IL1RAPL1: variants seen among roughly 807,000 people sequenced by gnomAD.
The protein encoded by IL1RAPL1 is interleukin-1 receptor accessory protein-like 1.
Under a neutral mutation model 48.4 loss-of-function variants are expected in IL1RAPL1, and 3 were observed. That is an observed-to-expected ratio of 0.06 (90% confidence interval 0.03 to 0.16). The LOEUF (loss-of-function observed/expected upper bound fraction) is 0.16, where lower values mean the gene tolerates loss of function less well. Ranked by LOEUF, IL1RAPL1 falls within the 10% of genes least tolerant of loss-of-function variation. IL1RAPL1 has a pLI of 1.00. For missense variants in IL1RAPL1, 349 were observed against 530.6 expected, an observed-to-expected ratio of 0.66 and a Z score of 3.36; for synonymous variants, 185 against 187.7, an observed-to-expected ratio of 0.99 and a Z score of 0.12.
chrX:29,182,016 T>C (rs759775166), intron 2 of IL1RAPL1, among the ~76,000 whole-genome samples: 1 of 111,526 alleles, frequency 9.0e-6, no homozygotes, highest in Non-Finnish European at 1.9e-5. Context: ...AGATGACTGA[T>C]GGCTCTGGCC....
intron 1 of IL1RAPL1, among the ~76,000 whole-genome samples, chrX:28,634,243 C>G (rs1226445902): frequency 9.1e-6 from 1 of 109,709 alleles, no homozygotes; most frequent in African/African-American, 3.3e-5. Context: ...CTCAAGCCAT[C>G]TGCCTGCCTA....
At chrX:29,239,625 ACACG>A (rs1931369107) in intron 2 of IL1RAPL1, among the ~76,000 whole-genome samples, 2 of 112,135 alleles carry the variant, frequency 1.8e-5, no homozygotes, top group Admixed American at 1.9e-4. Context: ...AGTTTGTCCA[ACACG>A]TGGCCTGCGG....
intron 1 of IL1RAPL1, among the ~76,000 whole-genome samples, chrX:28,784,284 G>C (rs1056914342): frequency 8.9e-6 from 1 of 111,944 alleles, no homozygotes; most frequent in African/African-American, 3.2e-5. Context: ...TTCAATTTTT[G>C]ATTAGAGTGA....
chrX:29,264,833 A>G (rs1370086138), intron 2 of IL1RAPL1, among the ~76,000 whole-genome samples: 2 of 111,359 alleles, frequency 1.8e-5, no homozygotes, highest in Non-Finnish European at 3.8e-5. Context: ...CTAGAGTACA[A>G]TCAATATCAT....
intron 5 of IL1RAPL1, among the ~76,000 whole-genome samples, chrX:29,577,095 C>G (rs771883929): frequency 9.0e-6 from 1 of 111,587 alleles, no homozygotes; most frequent in Non-Finnish European, 1.9e-5. Flanking sequence ...ATCTTAGGCT[C>G]TTAAATTTAA....
chrX:29,460,143 G>A lies in IL1RAPL1; in HGVS notation c.703+60835G>A, dbSNP rs758828130. Among the ~76,000 whole-genome samples the A allele has an allele frequency of 1.6e-4, 18 of 111,855 alleles. No individual in the cohort carries two copies. The South Asian group carries it at 6.4e-3, about 40-fold the overall frequency. On this transcript the variant is annotated intron_variant, in intron 5 of 10. Coordinates refer to ENST00000378993, the MANE Select transcript of IL1RAPL1 (RefSeq NM_014271.4). ...TAGAAAACTATTCAGTAAAACAGCC[G>A]TCTTCTATGTATTATGTATTTTTCC...
At chrX:28,780,363 G>GTGTGTGTCTGTC (rs56989010) in intron 1 of IL1RAPL1, among the ~76,000 whole-genome samples, 1,518 of 91,387 alleles carry the variant, frequency 0.017, 40 homozygotes, top group East Asian at 0.16. Context: ...GTGTGTGTGT[G>GTGTGTGTCTGTC]TGTCTGTCTG....
intron 2 of IL1RAPL1, among the ~76,000 whole-genome samples, chrX:29,280,206 A>G (rs1430946555): frequency 1.8e-5 from 2 of 112,058 alleles, no homozygotes; most frequent in African/African-American, 3.2e-5. Context: ...ATTATATGCA[A>G]TTATATAACT....
At chrX:28,677,629 C>G (rs750088600) in intron 1 of IL1RAPL1, among the ~76,000 whole-genome samples, 159 of 110,246 alleles carry the variant, frequency 1.4e-3, no homozygotes, top group African/African-American at 4.7e-3. Flanking sequence ...ACTGTGTCAC[C>G]CAGGCTGGAG....
intron 6 of IL1RAPL1, among the ~76,000 whole-genome samples, chrX:29,884,688 C>G (rs567717489): frequency 5.4e-5 from 6 of 111,553 alleles, no homozygotes; most frequent in African/African-American, 9.8e-5. Flanking sequence ...AATAGACACT[C>G]CAAACTCCAT....
intron 1 of IL1RAPL1, among the ~76,000 whole-genome samples, chrX:28,691,378 A>C (rs1009656812): frequency 2.7e-5 from 3 of 111,753 alleles, no homozygotes; most frequent in African/African-American, 9.8e-5. Context: ...CTCAGGAAAA[A>C]CTTGCCTGAC....
In IL1RAPL1 at chrX:29,126,147, G is replaced by A. The variant is rs190713888; in HGVS notation, c.83-156791G>A. 4.5e-5 allele frequency among the ~76,000 whole-genome samples: 5 copies of A among 111,343 alleles called. No homozygotes were observed. In the East Asian group the frequency reaches 1.1e-3, roughly 25 times the overall value. On this transcript the variant is annotated intron_variant, in intron 2 of 10. Transcript: ENST00000378993. ...GCTAATTTTACAGTATGGTATCATGGACACAGACTGTCAAAAGCCAACAGA... is the reference window on the plus strand; with the variant it reads ...GCTAATTTTACAGTATGGTATCATGAACACAGACTGTCAAAAGCCAACAGA...
Position 28,851,958 on chromosome X carries a change from A to T in IL1RAPL1, c.82+62533A>T, listed in dbSNP as rs777795938. On this transcript the variant is annotated intron_variant, in intron 2 of 10. Transcript: ENST00000378993. ...GTGAAATTTCTATTATAGTTTAAGA[A>T]AATTATCTTCCTGAATTTGACACAC... is the stretch of plus-strand genomic sequence containing the variant. Among the ~76,000 whole-genome samples, 17 of 112,278 alleles carry T rather than the reference A, an allele frequency of 1.5e-4. No individual in the cohort carries two copies. The South Asian group carries it at 5.9e-3, about 39-fold the overall frequency.
At chrX:29,351,842 C>T (rs779629049) in intron 3 of IL1RAPL1, among the ~76,000 whole-genome samples, 91 of 111,426 alleles carry the variant, frequency 8.2e-4, no homozygotes, top group African/African-American at 2.9e-3. Flanking sequence ...CAAAATCCAT[C>T]CCTTTTTATA....
chrX:28,992,747 C>T (rs1356684549), intron 2 of IL1RAPL1, among the ~76,000 whole-genome samples: 1 of 111,315 alleles, frequency 9.0e-6, no homozygotes, highest in East Asian at 2.8e-4. Context: ...AAAATATAGA[C>T]AATAAACAAA....
chrX:28,860,811 T>A (rs901810232), intron 2 of IL1RAPL1, among the ~76,000 whole-genome samples: 4 of 111,551 alleles, frequency 3.6e-5, no homozygotes, highest in Non-Finnish European at 7.5e-5. Flanking sequence ...AAATGCCTCA[T>A]ATTTAACCAA....
intron 2 of IL1RAPL1, among the ~76,000 whole-genome samples, chrX:28,892,384 G>A (rs913408653): frequency 6.3e-5 from 7 of 110,353 alleles, no homozygotes; most frequent in Non-Finnish European, 1.3e-4. Context: ...ATTTCACAAG[G>A]TAATGTCATC....
Position 29,101,805 on chromosome X carries a change from C to T in IL1RAPL1, c.83-181133C>T, listed in dbSNP as rs966782140. ...ACGAAAAATGAGCTGGGTATGGTGG[C>T]GGACACCTGTAATCCCAGCTACTCA... On this transcript the variant is annotated intron_variant, in intron 2 of 10. Coordinates refer to ENST00000378993, the MANE Select transcript of IL1RAPL1 (RefSeq NM_014271.4). Among the ~76,000 whole-genome samples the T allele has an allele frequency of 9.9e-5, 11 of 110,896 alleles. No individual in the cohort carries two copies. The Admixed American group carries it at 1.1e-3, about 11-fold the overall frequency.
At chrX:29,332,530 T>G (rs997648052) in intron 3 of IL1RAPL1, among the ~76,000 whole-genome samples, 1 of 103,791 alleles carries the variant, frequency 9.6e-6, no homozygotes, top group Admixed American at 1.1e-4. Flanking sequence ...TGGTTGCCAA[T>G]ATTTGGAATC....
Sources: gnomAD v4.1 joint callset for allele counts (sites outside exome capture counted in the v4.1 genomes callset) on GRCh38, gnomAD v4.1.1 for gene constraint, MANE v1.5 for transcripts, NCBI Gene and HGNC (gene_info 2026-07-23, HGNC 2026-07-21) for gene names.